The following SP140 variants were observed in gnomAD, a reference collection of about 807,000 sequenced individuals.
SP140 encodes nuclear body protein SP140.
SP140 carries 81 observed loss-of-function variants against 125.0 expected under a neutral mutation model. The observed-to-expected ratio is 0.65, with a 90% CI of 0.54 to 0.78. The LOEUF (loss-of-function observed/expected upper bound fraction) is 0.78. SP140 is among the 30% of genes least tolerant of loss of function. The pLI is 0.00. For missense variants in SP140, 858 were observed against 1,037.0 expected (o/e 0.83, Z 2.37); for synonymous variants, 312 against 354.0 (o/e 0.88, Z 1.33).
chr2:230,235,142 T>C (rs2149088407), intron 1 of SP140: 1 of 152,372 alleles, frequency 6.6e-6, no homozygotes, highest in Non-Finnish European at 1.5e-5. Flanking sequence ...TCTGCCTGAT[T>C]GTGGGTGTTC....
In SP140 at chr2:230,212,371, TG is replaced by T. The variant is rs397515361; in HGVS notation, c.-322-1280del. 6.2e-7 allele frequency: 1 copy of T among 1,613,380 alleles called. No homozygotes were observed. The highest frequency in any genetic ancestry group is 1.6e-4 in the Middle Eastern group (1 of 6,062). On this transcript the variant is annotated intron_variant, in intron 1 of 4. Transcript: ENST00000456542. ...CCTTGCACAGTGCTAGTGAGGAGGC[TG>T]GGCATCTCTTCTGAGTCTTCTTCCG... is the stretch of plus-strand genomic sequence containing the variant.
chr2:230,256,307 A>G (rs1575050201), intron 12 of SP140, among the ~76,000 whole-genome samples: 1 of 152,260 alleles, frequency 6.6e-6, no homozygotes, highest in East Asian at 1.9e-4. Flanking sequence ...GATTAAGAAA[A>G]TGTGGCACAT....
intron 22 of SP140, among the ~76,000 whole-genome samples, chr2:230,305,410 C>T (rs918839788): frequency 1.6e-4 from 25 of 152,348 alleles, no homozygotes; most frequent in East Asian, 1.2e-3. Flanking sequence ...CTGACGGCAG[C>T]GGCAGGCAGT....
At chr2:230,260,722 T>C (rs1418313374) in intron 12 of SP140, among the ~76,000 whole-genome samples, 1 of 152,228 alleles carries the variant, frequency 6.6e-6, no homozygotes, top group Non-Finnish European at 1.5e-5. Context: ...CTTTATGGTT[T>C]GTTTGCTTTG....
At chr2:230,310,691 G>A in intron 23 of SP140, 52 bp from the exon 24 acceptor site, 1 of 1,225,062 alleles carries the variant, frequency 8.2e-7, no homozygotes, top group South Asian at 1.5e-5. Flanking sequence ...CACAGGAACG[G>A]TGGCCATTTC....
At chr2:230,277,998 C>A (rs2054976869) in intron 15 of SP140, among the ~76,000 whole-genome samples, 1 of 151,996 alleles carries the variant, frequency 6.6e-6, no homozygotes, top group African/African-American at 2.4e-5. Flanking sequence ...AATTCATACC[C>A]CAAAGTGAGA....
chr2:230,281,145 C>T (rs774568638), intron 15 of SP140, among the ~76,000 whole-genome samples: 8 of 152,062 alleles, frequency 5.3e-5, no homozygotes, highest in Non-Finnish European at 1.2e-4. Flanking sequence ...CTTTTATTCC[C>T]CAAAATTTAA....
At chr2:230,285,930 T>G in intron 17 of SP140, 98 bp downstream of exon 17, 1 of 875,212 alleles carries the variant, frequency 1.1e-6, no homozygotes, top group Admixed American at 2.0e-5. Flanking sequence ...TGTTTACTCA[T>G]CAAGCTTAGT....
chr2:230,285,503 A>C (rs980916149), intron 16 of SP140, among the ~76,000 whole-genome samples: 1 of 152,234 alleles, frequency 6.6e-6, no homozygotes, highest in African/African-American at 2.4e-5. Flanking sequence ...ATTTTCATTT[A>C]AGTCTGAATC....
In SP140 at chr2:230,243,062, C is replaced by T. The variant is rs975575207; in HGVS notation, c.491-669C>T. ...ATCCAAAGGCATCCACAATGAGCCA[C>T]CTGCTTACTTCTCCAGCTTAATCCC... On this transcript the variant is annotated intron_variant, in intron 4 of 26. Coordinates refer to ENST00000392045, the MANE Select transcript of SP140 (RefSeq NM_007237.5). 6.4e-4 allele frequency among the ~76,000 whole-genome samples: 98 copies of T among 152,184 alleles called. 1 individual carries two copies. The highest frequency in any genetic ancestry group is 2.3e-3 in the African/African-American group (97 of 41,448).
At chr2:230,304,329 A>C (rs2058563209) in intron 22 of SP140, among the ~76,000 whole-genome samples, 1 of 152,200 alleles carries the variant, frequency 6.6e-6, no homozygotes, top group African/African-American at 2.4e-5. Flanking sequence ...TCATATGGCC[A>C]ATAGCAATCT....
chr2:230,228,919 A>G (rs574197501), intron 1 of SP140, among the ~76,000 whole-genome samples: 3 of 152,256 alleles, frequency 2.0e-5, no homozygotes, highest in South Asian at 2.1e-4. Context: ...TTAGATTAAT[A>G]TCTACCACAT....
intron 3 of SP140, among the ~76,000 whole-genome samples, chr2:230,218,962 T>C (rs2045536435): frequency 6.6e-6 from 1 of 152,204 alleles, no homozygotes; most frequent in Non-Finnish European, 1.5e-5. Context: ...TGGTGGCTCA[T>C]GCCTGTAATC....
At chr2:230,212,890 AG>A (rs2044652404) in intron 1 of SP140, 1 of 1,614,054 alleles carries the variant, frequency 6.2e-7, no homozygotes. Flanking sequence ...CTTGGCGCAC[AG>A]GGTGAACAGC....
At chr2:230,222,840 GTTT>G (rs35018428), upstream of SP140, among the ~76,000 whole-genome samples, 51 of 128,904 alleles carry the variant, frequency 4.0e-4, no homozygotes, top group Admixed American at 3.0e-3. Flanking sequence ...GTGTATTAAA[GTTT>G]TTTTTTTTTT....
In SP140 at chr2:230,270,595, A is replaced by C. The variant is rs760831366; in HGVS notation, c.1454A>C (p.Asp485Ala). 14 of 1,608,896 alleles carry C rather than the reference A, an allele frequency of 8.7e-6. No individual in the cohort carries two copies. Among genetic ancestry groups the C allele is most frequent in the Middle Eastern group, 2.2e-4 (1 of 4,630 alleles). Reference protein sequence around the residue: ...DQACGTMDTVDIANNSTLGKP... With the variant: ...DQACGTMDTVAIANNSTLGKP... ...ACTTGTTATTTTCCAGATACTGTGG[A>C]TATTGCAAACAACTCCACTTTGGGA... The change falls in exon 15 of 27, where the codon GAT (aspartate) becomes GCT (alanine). Residue 485 changes from aspartate (D) to alanine (A), a missense_variant. By Grantham distance (126) the Asp-to-Ala change is moderately radical (BLOSUM62 -2). Transcript: ENST00000392045.
At chr2:230,216,659 T>C in intron 3 of SP140, 2 of 1,199,978 alleles carry the variant, frequency 1.7e-6, no homozygotes, top group Non-Finnish European at 2.5e-6. Flanking sequence ...TCTGTGATAA[T>C]GAACATGCCT....
At chr2:230,265,658 G>C (rs2052987383) in intron 12 of SP140, among the ~76,000 whole-genome samples, 1 of 152,052 alleles carries the variant, frequency 6.6e-6, no homozygotes, top group South Asian at 2.1e-4. Flanking sequence ...CATCTCTTCA[G>C]ATTGACTCAG....
chr2:230,275,286 ATGTT>A (rs2054545757), intron 15 of SP140, among the ~76,000 whole-genome samples: 2 of 151,798 alleles, frequency 1.3e-5, no homozygotes, highest in Admixed American at 6.6e-5. Flanking sequence ...TACAAATTAA[ATGTT>A]TGTGACAACC....
Sources: gnomAD v4.1 joint callset for allele counts (sites outside exome capture counted in the v4.1 genomes callset) on GRCh38, gnomAD v4.1.1 for gene constraint, MANE v1.5 for transcripts, NCBI Gene and HGNC (gene_info 2026-07-23, HGNC 2026-07-21) for gene names.